Variants in AP3D1 observed in about 807,000 individuals in gnomAD.
AP3D1 encodes the protein adaptor related protein complex 3 subunit delta 1.
A neutral mutation model predicts 147.6 loss-of-function variants in AP3D1; 51 were observed. The ratio of observed to expected loss-of-function variants is 0.35; its 90% CI spans 0.28 to 0.44. The LOEUF (loss-of-function observed/expected upper bound fraction) is 0.44. AP3D1 is among the 20% of genes least tolerant of loss of function. The pLI, the probability that AP3D1 is intolerant of heterozygous loss-of-function variation, is 1.00. For synonymous variants in AP3D1, 760 were observed against 663.0 expected, an observed-to-expected ratio of 1.15 and a Z score of -2.25; for missense variants, 1,421 against 1,624.2, an observed-to-expected ratio of 0.87 and a Z score of 2.15.
In AP3D1 at chr19:2,121,156, G is replaced by A; in HGVS notation, c.1250+7C>T. ...CCCCCGGCCACACCCCTGGGAGCGG[G>A]ACGCACCACTCGAAGTTGGTGATGT... On this transcript the variant is annotated splice_region_variant and intron_variant, in intron 13 of 31. Transcript: ENST00000643116. 1 of 1,614,190 alleles carries A rather than the reference G, an allele frequency of 6.2e-7. No homozygotes were observed. Among genetic ancestry groups the A allele is most frequent in the Non-Finnish European group, 8.5e-7 (1 of 1,180,008 alleles).
chr19:2,153,388 G>C (rs191680733), upstream of AP3D1, among the ~76,000 whole-genome samples: 1,428 of 141,916 alleles, frequency 0.01, 24 homozygotes, highest in African/African-American at 0.036. Flanking sequence ...AAGAAGTGGG[G>C]GGGGGGACCG....
chr19:2,148,450 T>C (rs2019420123), intron 1 of AP3D1, among the ~76,000 whole-genome samples: 1 of 152,260 alleles, frequency 6.6e-6, no homozygotes, highest in South Asian at 2.1e-4. Context: ...GCCTGCACTC[T>C]GGTCTCTTCT....
At chr19:2,127,131 G>T (rs750466619) in intron 9 of AP3D1, 21 bp downstream of exon 9, 2 of 1,613,376 alleles carry the variant, frequency 1.2e-6, no homozygotes, top group Non-Finnish European at 1.7e-6. Flanking sequence ...CCTTCCAGAT[G>T]GGGAGAGTGC....
intron 9 of AP3D1, 97 bp downstream of exon 9, chr19:2,127,055 C>A: frequency 1.5e-6 from 2 of 1,331,090 alleles, no homozygotes; most frequent in South Asian, 2.4e-5. Flanking sequence ...GCAGGGGTGG[C>A]GCTCGGAGAC....
At chr19:2,130,256 A>G (rs2145111837) in intron 6 of AP3D1, 152 bp downstream of exon 6, 1 of 1,231,332 alleles carries the variant, frequency 8.1e-7, no homozygotes, top group Non-Finnish European at 1.1e-6. Context: ...CTGCCCCAGC[A>G]AGGGGAGGCC....
chr19:2,115,042 C>G (rs896078071), intron 20 of AP3D1, among the ~76,000 whole-genome samples, 177 bp downstream of exon 20: 2 of 152,178 alleles, frequency 1.3e-5, no homozygotes, highest in Non-Finnish European at 2.9e-5. Context: ...GGCCCTGGGG[C>G]GGTGCGTCGG....
intron 8 of AP3D1, among the ~76,000 whole-genome samples, chr19:2,127,715 C>CTA (rs1568293790): frequency 4.6e-5 from 7 of 152,138 alleles, no homozygotes; most frequent in Non-Finnish European, 1.0e-4. Flanking sequence ...TAGGTAGAGA[C>CTA]GGGGTTTCAC....
chr19:2,142,984 G>A lies in AP3D1; in HGVS notation c.97-4270C>T, dbSNP rs191003641. 7.9e-5 allele frequency among the ~76,000 whole-genome samples: 12 copies of A among 151,616 alleles called. No individual in the cohort carries two copies. In the East Asian group the frequency reaches 2.1e-3, roughly 27 times the overall value. On this transcript the variant is annotated intron_variant, in intron 1 of 31. Coordinates refer to ENST00000643116, the MANE Select transcript of AP3D1 (RefSeq NM_001261826.3). ...TCTCCATGTTGGCCAGGCTGATCTC[G>A]AACTCCCGACCTCAGGTGATCTGCC...
intron 31 of AP3D1, 102 bp downstream of exon 31, chr19:2,108,585 G>T: frequency 9.3e-7 from 1 of 1,076,006 alleles, no homozygotes; most frequent in Non-Finnish European, 1.4e-6. Context: ...CACTGTCCTC[G>T]AGCCCTCTAA....
intron 4 of AP3D1, among the ~76,000 whole-genome samples, chr19:2,132,937 C>CA (rs1186859989): frequency 6.6e-6 from 1 of 152,166 alleles, no homozygotes; most frequent in African/African-American, 2.4e-5. Flanking sequence ...GTCTGAGGCA[C>CA]AGGCTGAAGC....
Position 2,115,237 on chromosome 19 carries a change from G to A in AP3D1, c.2331C>T (p.Val777=), listed in dbSNP as rs1441390106. Residue 777 remains valine (V), a synonymous_variant, in exon 20 of 32, where the codon GTC becomes GTT. Transcript: ENST00000643116. ...GGCTGACCTCAGGCATCTCCTCTGT[G>A]ACGATGTCCACCTGCTGGGCAGGGG... ...DIAPAQQVDI[V]TEEMPENALP... 6.8e-6 allele frequency: 11 copies of A among 1,613,272 alleles called. No individual in the cohort carries two copies. Among genetic ancestry groups the A allele is most frequent in the Non-Finnish European group, 7.6e-6 (9 of 1,179,950 alleles).
chr19:2,152,314 G>C (rs561149810), upstream of AP3D1, among the ~76,000 whole-genome samples: 9 of 152,146 alleles, frequency 5.9e-5, no homozygotes, highest in East Asian at 1.7e-3. Flanking sequence ...GGCCGTAAGC[G>C]GGAAGATCAC....
At chr19:2,116,796 C>T (rs1485704563) in intron 16 of AP3D1, 50 bp from the exon 17 acceptor site, 9 of 1,545,700 alleles carry the variant, frequency 5.8e-6, no homozygotes, top group Non-Finnish European at 7.0e-6. Flanking sequence ...CGAGCACGCG[C>T]CTGCAGGCGT....
At chr19:2,141,144 G>A (rs958805969) in intron 1 of AP3D1, among the ~76,000 whole-genome samples, 11 of 152,088 alleles carry the variant, frequency 7.2e-5, no homozygotes, top group Non-Finnish European at 2.9e-5. Flanking sequence ...ATGTAAATTA[G>A]CTGAAGCTAT....
chr19:2,137,599 T>C (rs1386651952), intron 3 of AP3D1, 128 bp downstream of exon 3: 33 of 807,448 alleles, frequency 4.1e-5, no homozygotes, highest in Non-Finnish European at 5.9e-5. Context: ...TACAGGCCAC[T>C]GAATCCACCT....
chr19:2,133,261 C>T (rs2018995774), intron 4 of AP3D1: 1 of 152,274 alleles, frequency 6.6e-6, no homozygotes, highest in South Asian at 2.1e-4. Flanking sequence ...TCTCAAAGTT[C>T]AGCTGGCAGC....
At chr19:2,142,884 C>A (rs2019258842) in intron 1 of AP3D1, among the ~76,000 whole-genome samples, 1 of 152,126 alleles carries the variant, frequency 6.6e-6, no homozygotes. Context: ...CCTGTCTCAG[C>A]CTCCCAAGTA....
In AP3D1 at chr19:2,111,702, C is replaced by T. The variant is rs750369269; in HGVS notation, c.2914G>A (p.Ala972Thr). 30 of 1,597,724 alleles carry T rather than the reference C, an allele frequency of 1.9e-5. No homozygotes were observed. The highest frequency in any genetic ancestry group is 1.2e-4 in the African/African-American group (9 of 74,594). The change falls in exon 25 of 32, where the codon GCG becomes ACG. Residue 972 changes from alanine to threonine, a missense_variant. Transcript: ENST00000643116. ...EAAGEPVQNG[A>T]PEEEQLPPES... ...ACCGGGAGCTGCTCCTCCTCTGGCGCGCCATTCTGCACCGGCTCCCCCGCT... is the reference window on the plus strand; with the variant it reads ...ACCGGGAGCTGCTCCTCCTCTGGCGTGCCATTCTGCACCGGCTCCCCCGCT...
At position 2,110,887 on chromosome 19, in the gene AP3D1, TG is replaced by T; in HGVS notation, c.2994del (p.Asp998GlufsTer113). 6.2e-7 allele frequency: 1 copy of T among 1,612,954 alleles called. No homozygotes were observed. The highest frequency in any genetic ancestry group is 8.5e-7 in the Non-Finnish European group (1 of 1,179,936). On this transcript the variant is annotated frameshift_variant, in exon 27 of 32. Transcript: ENST00000643116. LOFTEE classifies it high-confidence loss of function. ...AENSYVKMTC[D>X]IRGSLQEDSQ... ...CTGTCCTCCTGCAGACTGCCCCGGA[TG>T]TCACAGGTCTGCAGGGCATGGCCAG...
Sources: gnomAD v4.1 joint callset for allele counts (sites outside exome capture counted in the v4.1 genomes callset) on GRCh38, gnomAD v4.1.1 for gene constraint, MANE v1.5 for transcripts, NCBI Gene and HGNC (gene_info 2026-07-23, HGNC 2026-07-21) for gene names.